Variants in DLG2 observed in about 807,000 individuals in gnomAD.
The protein encoded by DLG2 is disks large homolog 2.
A neutral mutation model predicts 132.5 loss-of-function variants in DLG2; 45 were observed. The observed-to-expected ratio is 0.34, with a 90% CI of 0.27 to 0.44. The LOEUF (loss-of-function observed/expected upper bound fraction) is 0.44. Ranked by LOEUF, DLG2 falls within the 20% of genes least tolerant of loss-of-function variation. DLG2 has a pLI of 1.00. For missense variants in DLG2, 1,045 were observed against 1,196.9 expected, an observed-to-expected ratio of 0.87 and a Z score of 1.87; for synonymous variants, 424 against 419.6, an observed-to-expected ratio of 1.01 and a Z score of -0.13.
intron 6 of DLG2, among the ~76,000 whole-genome samples, chr11:84,916,348 CA>C (rs11423369): frequency 8.7e-3 from 244 of 27,906 alleles, no homozygotes; most frequent in African/African-American, 0.027. Context: ...GACTCCGTCT[CA>C]AAAAAAAAAA....
chr11:85,210,310 C>T (rs2082174292), intron 4 of DLG2, among the ~76,000 whole-genome samples: 1 of 152,084 alleles, frequency 6.6e-6, no homozygotes, highest in Non-Finnish European at 1.5e-5. Flanking sequence ...TCACTGTGCT[C>T]CAGACACACT....
At chr11:85,514,154 GTGTT>G (rs1216169367) in intron 3 of DLG2, among the ~76,000 whole-genome samples, 1 of 151,876 alleles carries the variant, frequency 6.6e-6, no homozygotes, top group African/African-American at 2.4e-5. Context: ...TTTCCTGTGT[GTGTT>G]TGTTAGGCAC....
At chr11:84,840,709 G>A (rs1039142364) in intron 6 of DLG2, among the ~76,000 whole-genome samples, 9 of 152,050 alleles carry the variant, frequency 5.9e-5, no homozygotes, top group Admixed American at 5.9e-4. Context: ...GATGAAGCTG[G>A]AAACCATCAT....
intron 3 of DLG2, among the ~76,000 whole-genome samples, chr11:85,316,446 G>A (rs187668450): frequency 1.4e-4 from 21 of 151,956 alleles, no homozygotes; most frequent in African/African-American, 4.8e-4. Context: ...AGCCATATTG[G>A]GATTAATATA....
intron 3 of DLG2, among the ~76,000 whole-genome samples, chr11:85,529,883 A>G (rs2075064270): frequency 6.6e-6 from 1 of 152,136 alleles, no homozygotes; most frequent in East Asian, 1.9e-4. Context: ...ACATCCTCAC[A>G]TGAAACTATG....
intron 8 of DLG2, among the ~76,000 whole-genome samples, chr11:84,164,125 T>C (rs2095609192): frequency 1.3e-5 from 2 of 152,200 alleles, no homozygotes; most frequent in African/African-American, 4.8e-5. Context: ...CATTTTGAAA[T>C]GCTTAGTGAC....
rs567304152 is a variant in DLG2, at chr11:84,578,748, G to A, written c.358-44017C>T. Among the ~76,000 whole-genome samples the A allele has an allele frequency of 2.6e-5, 4 of 152,206 alleles. No individual in the cohort carries two copies. In the East Asian group the frequency reaches 7.7e-4, roughly 29 times the overall value. On this transcript the variant is annotated intron_variant, in intron 6 of 27. Coordinates refer to ENST00000376104, the MANE Select transcript of DLG2 (RefSeq NM_001142699.3). ...ACACTGAAATAAATTAAGACTTTGGGGGACTGCTGGGAAGCCATGACTGGT... is the reference window on the plus strand; with the variant it reads ...ACACTGAAATAAATTAAGACTTTGGAGGACTGCTGGGAAGCCATGACTGGT...
chr11:83,594,898 G>C (rs2057303944), intron 19 of DLG2, among the ~76,000 whole-genome samples: 1 of 152,176 alleles, frequency 6.6e-6, no homozygotes, highest in Admixed American at 6.5e-5. Flanking sequence ...ATACAGCTGA[G>C]CTGAGTTTGA....
intron 21 of DLG2, among the ~76,000 whole-genome samples, chr11:83,515,502 G>T (rs1456799849): frequency 6.6e-6 from 1 of 152,082 alleles, no homozygotes; most frequent in African/African-American, 2.4e-5. Context: ...TTTTTGAAGG[G>T]TTTTTTGTGT....
chr11:85,456,992 G>A (rs2092443777), intron 3 of DLG2, among the ~76,000 whole-genome samples: 1 of 152,094 alleles, frequency 6.6e-6, no homozygotes, highest in Admixed American at 6.6e-5. Flanking sequence ...TCTGTTAATT[G>A]TTTGCCTCAA....
intron 8 of DLG2, among the ~76,000 whole-genome samples, chr11:84,198,925 AAGG>A (rs1263214235): frequency 6.6e-6 from 1 of 152,158 alleles, no homozygotes; most frequent in East Asian, 1.9e-4. Flanking sequence ...GGGAACAGAA[AAGG>A]AGATCTGCCA....
chr11:83,537,227 A>G lies in DLG2; in HGVS notation c.2118-4444T>C, dbSNP rs2095901709. Among the ~76,000 whole-genome samples, 3 of 152,202 alleles carry G rather than the reference A, an allele frequency of 2.0e-5. No homozygotes were observed. The South Asian group carries it at 6.2e-4, about 32-fold the overall frequency. Reference sequence around the variant, plus strand: ...AAATGGCCATGCTTTAATAAGCCCAACTGTCTTCCTCTCCCTCTCTCCCAT... The same window carrying G: ...AAATGGCCATGCTTTAATAAGCCCAGCTGTCTTCCTCTCCCTCTCTCCCAT... On this transcript the variant is annotated intron_variant, in intron 20 of 27. Transcript: ENST00000376104.
At chr11:84,383,510 T>TA (rs1253360238) in intron 7 of DLG2, among the ~76,000 whole-genome samples, 1 of 152,046 alleles carries the variant, frequency 6.6e-6, no homozygotes, top group Non-Finnish European at 1.5e-5. Context: ...TACCTTACAT[T>TA]ATATAAGACA....
At chr11:83,538,019 T>C (rs1450486072) in intron 20 of DLG2, among the ~76,000 whole-genome samples, 3 of 152,130 alleles carry the variant, frequency 2.0e-5, no homozygotes, top group Non-Finnish European at 4.4e-5. Context: ...GGATTTCAGA[T>C]TTTGTGTTGA....
At chr11:84,599,289 A>C (rs1352109031) in intron 6 of DLG2, among the ~76,000 whole-genome samples, 1 of 152,146 alleles carries the variant, frequency 6.6e-6, no homozygotes, top group East Asian at 1.9e-4. Flanking sequence ...TCAGGACATT[A>C]ACTGAGCCTT....
intron 14 of DLG2, among the ~76,000 whole-genome samples, chr11:83,940,881 G>C (rs1416671288): frequency 6.6e-6 from 1 of 152,170 alleles, no homozygotes; most frequent in Non-Finnish European, 1.5e-5. Context: ...TGCATGAATA[G>C]CACAGTGCCT....
At chr11:84,731,292 T>C (rs1481007248) in intron 6 of DLG2, among the ~76,000 whole-genome samples, 1 of 152,078 alleles carries the variant, frequency 6.6e-6, no homozygotes, top group African/African-American at 2.4e-5. Flanking sequence ...TACTATGTGC[T>C]AGACACTAGG....
At chr11:83,828,341 C>T (rs1334662841) in intron 17 of DLG2, among the ~76,000 whole-genome samples, 1 of 152,042 alleles carries the variant, frequency 6.6e-6, no homozygotes, top group African/African-American at 2.4e-5. Context: ...TGCAGTGAGC[C>T]GAGATCACGC....
intron 18 of DLG2, among the ~76,000 whole-genome samples, chr11:83,776,114 T>A (rs1289474545): frequency 1.3e-5 from 2 of 149,108 alleles, no homozygotes; most frequent in African/African-American, 2.6e-5. Flanking sequence ...ATAAATAAAA[T>A]AAATAAATAA....
Sources: allele counts gnomAD v4.1 joint callset (sites outside exome capture counted in the v4.1 genomes callset), GRCh38; gene constraint gnomAD v4.1.1; transcripts MANE v1.5; gene names NCBI Gene and HGNC (gene_info 2026-07-23, HGNC 2026-07-21).